FAAH2: variants seen among roughly 807,000 people sequenced by gnomAD.
FAAH2 encodes the protein fatty acid amide hydrolase 2, also known as fatty-acid amide hydrolase 2.
Under a neutral mutation model 36.9 loss-of-function variants are expected in FAAH2, and 60 were observed. The ratio of observed to expected loss-of-function variants is 1.63; its 90% confidence interval spans 1.32 to 2.02. The LOEUF (loss-of-function observed/expected upper bound fraction) is 2.02. Ranked by LOEUF, FAAH2 falls within the 30% of genes most tolerant of loss-of-function variation. The pLI, the probability that FAAH2 is intolerant of heterozygous loss-of-function variation, is 0.00. For missense variants in FAAH2, 689 were observed against 397.5 expected (o/e 1.73, Z -6.23); for synonymous variants, 214 against 143.8 (o/e 1.49, Z -3.49).
At chrX:57,461,035 A>G (rs1428266071) in intron 10 of FAAH2, among the ~76,000 whole-genome samples, 3 of 111,426 alleles carry the variant, frequency 2.7e-5, no homozygotes, top group East Asian at 5.6e-4. Flanking sequence ...CAAACCAACA[A>G]TGACCAAAAA....
the FAAH2 span, among the ~76,000 whole-genome samples, chrX:57,270,613 G>A: frequency 8.9e-6 from 1 of 111,876 alleles, no homozygotes; most frequent in Non-Finnish European, 1.9e-5. Flanking sequence ...GGTGATTTCT[G>A]CATTTCCAAC....
At chrX:57,471,398 T>A (rs2057162916) in intron 10 of FAAH2, among the ~76,000 whole-genome samples, 1 of 112,141 alleles carries the variant, frequency 8.9e-6, no homozygotes. Context: ...TTCAGCAAAG[T>A]CTCAGGATAC....
the FAAH2 span, among the ~76,000 whole-genome samples, chrX:57,222,149 T>C: frequency 3.6e-5 from 4 of 111,272 alleles, no homozygotes; most frequent in African/African-American, 6.6e-5. Context: ...CCCTCCTGCC[T>C]CCGCAAACTA....
chrX:57,420,075 T>C (rs2147070293), intron 7 of FAAH2, among the ~76,000 whole-genome samples: 1 of 111,849 alleles, frequency 8.9e-6, no homozygotes, highest in South Asian at 3.7e-4. Context: ...TCCATTGATA[T>C]ATATCTCTGT....
intron 10 of FAAH2, among the ~76,000 whole-genome samples, chrX:57,461,744 A>G (rs1037472701): frequency 9.1e-6 from 1 of 110,244 alleles, no homozygotes; most frequent in Non-Finnish European, 1.9e-5. Flanking sequence ...TATAAGAACT[A>G]CAGAAGAAAG....
chrX:57,168,436 A>G, the FAAH2 span, among the ~76,000 whole-genome samples: 1 of 111,726 alleles, frequency 9.0e-6, no homozygotes, highest in Non-Finnish European at 1.9e-5. Context: ...TTATGCAACC[A>G]TCTGTACTTA....
chrX:57,272,064 T>C, the FAAH2 span, among the ~76,000 whole-genome samples: 1 of 108,325 alleles, frequency 9.2e-6, no homozygotes, highest in Admixed American at 1.0e-4. Flanking sequence ...ACATATATGA[T>C]CTGATGGAGC....
chrX:57,468,140 A>G (rs1050235380), intron 10 of FAAH2, among the ~76,000 whole-genome samples: 1 of 111,394 alleles, frequency 9.0e-6, no homozygotes, highest in African/African-American at 3.3e-5. Context: ...AACCACAAAG[A>G]TGGTGAAAAA....
the FAAH2 span, among the ~76,000 whole-genome samples, chrX:57,221,547 C>T: frequency 9.0e-6 from 1 of 110,926 alleles, no homozygotes; most frequent in Non-Finnish European, 1.9e-5. Context: ...CAACAAACTC[C>T]CCTTTTAACA....
At chrX:57,431,693 T>A (rs1298366423) in intron 7 of FAAH2, among the ~76,000 whole-genome samples, 1 of 111,508 alleles carries the variant, frequency 9.0e-6, no homozygotes, top group African/African-American at 3.3e-5. Context: ...CTTCAGCTTC[T>A]TAGCTTGTTT....
intron 7 of FAAH2, among the ~76,000 whole-genome samples, chrX:57,383,135 G>T (rs2054903974): frequency 8.9e-6 from 1 of 111,866 alleles, no homozygotes; most frequent in South Asian, 3.7e-4. Flanking sequence ...AACACTTCAA[G>T]CTAAAAGCTC....
At chrX:57,370,330 C>T (rs781261167) in intron 5 of FAAH2, among the ~76,000 whole-genome samples, 9 of 111,003 alleles carry the variant, frequency 8.1e-5, no homozygotes, top group African/African-American at 2.3e-4. Context: ...CCATGAGAGA[C>T]GCATATTACC....
At chrX:57,322,877 C>A (rs1331681395) in intron 3 of FAAH2, among the ~76,000 whole-genome samples, 2 of 109,336 alleles carry the variant, frequency 1.8e-5, no homozygotes, top group Non-Finnish European at 3.8e-5. Context: ...TACAGGTGCA[C>A]AACATGCAGG....
intron 8 of FAAH2, among the ~76,000 whole-genome samples, chrX:57,437,038 C>T (rs1453736564): frequency 1.8e-5 from 2 of 110,834 alleles, no homozygotes; most frequent in African/African-American, 6.5e-5. Flanking sequence ...ACGCCATAAA[C>T]AAGTGGGTTT....
the FAAH2 span, among the ~76,000 whole-genome samples, chrX:57,200,406 A>G: frequency 0.54 from 54,429 of 100,174 alleles, 14,539 homozygotes; most frequent in East Asian, 1. Flanking sequence ...TTGAGACAGA[A>G]TCTCGTTCTG....
At chrX:57,381,101 CT>C in intron 7 of FAAH2, 72 bp downstream of exon 7, 1 of 742,136 alleles carries the variant, frequency 1.3e-6, no homozygotes, top group Non-Finnish European at 2.0e-6. Flanking sequence ...CTTTACTTCA[CT>C]TACTGCCAAA....
chrX:57,277,939 G>A, the FAAH2 span, among the ~76,000 whole-genome samples: 7 of 111,716 alleles, frequency 6.3e-5, no homozygotes, highest in Non-Finnish European at 1.3e-4. Context: ...AAAACAAATG[G>A]AAGAACATTC....
chrX:57,236,868 C>T, the FAAH2 span, among the ~76,000 whole-genome samples: 1 of 111,084 alleles, frequency 9.0e-6, no homozygotes, highest in Admixed American at 9.6e-5. Flanking sequence ...AGTGTAATCC[C>T]ATCTGTCTAT....
chrX:57,290,766 T>G (rs1267940551), intron 1 of FAAH2, among the ~76,000 whole-genome samples: 2 of 111,848 alleles, frequency 1.8e-5, no homozygotes, highest in Non-Finnish European at 3.8e-5. Flanking sequence ...ATATATTGTC[T>G]TACTTTTTAT....
Sources: gnomAD v4.1 joint callset for allele counts (sites outside exome capture counted in the v4.1 genomes callset) on GRCh38, gnomAD v4.1.1 for gene constraint, MANE v1.5 for transcripts, NCBI Gene and HGNC (gene_info 2026-07-23, HGNC 2026-07-21) for gene names.